Variants in P4HA1 observed in about 807,000 individuals in gnomAD.
The protein encoded by P4HA1 is prolyl 4-hydroxylase subunit alpha 1.
A neutral mutation model predicts 72.8 loss-of-function variants in P4HA1; 24 were observed. The ratio of observed to expected loss-of-function variants is 0.33; its 90% confidence interval spans 0.24 to 0.46. The LOEUF (loss-of-function observed/expected upper bound fraction) is 0.46. P4HA1 is among the 20% of genes least tolerant of loss of function. P4HA1 has a pLI of 1.00. For missense variants in P4HA1, 446 were observed against 640.6 expected, an observed-to-expected ratio of 0.70 and a Z score of 3.28; for synonymous variants, 201 against 218.8, an observed-to-expected ratio of 0.92 and a Z score of 0.72.
chr10:73,087,984 T>C (rs1320333415), intron 1 of P4HA1, among the ~76,000 whole-genome samples: 4 of 152,230 alleles, frequency 2.6e-5, no homozygotes, highest in South Asian at 2.1e-4. Flanking sequence ...AATCTCTGCC[T>C]GACCCATGGT....
chr10:73,027,037 T>C (rs948707488), intron 10 of P4HA1, among the ~76,000 whole-genome samples: 11 of 152,206 alleles, frequency 7.2e-5, no homozygotes, highest in African/African-American at 2.7e-4. Flanking sequence ...GAAGACAGTG[T>C]GGTGATTTCT....
intron 12 of P4HA1, among the ~76,000 whole-genome samples, chr10:73,012,694 A>C (rs1412403023): frequency 6.6e-6 from 1 of 152,212 alleles, no homozygotes; most frequent in Non-Finnish European, 1.5e-5. Flanking sequence ...AGGGAGTGAG[A>C]TACTACAGAC....
At chr10:73,028,031 T>C (rs1840332415) in intron 10 of P4HA1, among the ~76,000 whole-genome samples, 1 of 152,136 alleles carries the variant, frequency 6.6e-6, no homozygotes, top group Admixed American at 6.6e-5. Context: ...GGATGAATAC[T>C]GAACAACAGT....
At chr10:73,065,750 G>A (rs76021204) in intron 5 of P4HA1, among the ~76,000 whole-genome samples, 2 of 152,088 alleles carry the variant, frequency 1.3e-5, no homozygotes, top group African/African-American at 4.8e-5. Context: ...AGCCTTGCAC[G>A]TGAGTACATG....
At chr10:73,062,873 T>TCCAGTATCAAACAGAGTC (rs1466279014) in intron 5 of P4HA1, among the ~76,000 whole-genome samples, 4 of 152,186 alleles carry the variant, frequency 2.6e-5, no homozygotes, top group Non-Finnish European at 4.4e-5. Context: ...GCTGTTGAAT[T>TCCAGTATCAAACAGAGTC]CCAGTATCAA....
intron 5 of P4HA1, among the ~76,000 whole-genome samples, chr10:73,067,088 G>T (rs1841440845): frequency 6.6e-6 from 1 of 151,956 alleles, no homozygotes; most frequent in Non-Finnish European, 1.5e-5. Context: ...GGCTGGTCTT[G>T]AACTCCTACC....
At chr10:73,038,155 T>G (rs1766529067) in intron 9 of P4HA1, among the ~76,000 whole-genome samples, 1 of 152,120 alleles carries the variant, frequency 6.6e-6, no homozygotes, top group Non-Finnish European at 1.5e-5. Flanking sequence ...CTCAGGAGGC[T>G]GAGGTGGGAG....
chr10:73,062,179 T>C (rs1184589874), intron 5 of P4HA1, among the ~76,000 whole-genome samples: 1 of 152,180 alleles, frequency 6.6e-6, no homozygotes, highest in Non-Finnish European at 1.5e-5. Flanking sequence ...TGACAAAATG[T>C]TTAAAACGTC....
chr10:73,032,285 C>T (rs1163686154), intron 9 of P4HA1, among the ~76,000 whole-genome samples: 1 of 152,190 alleles, frequency 6.6e-6, no homozygotes, highest in Non-Finnish European at 1.5e-5. Flanking sequence ...TGTCAGATTC[C>T]TAATCTCTGA....
intron 9 of P4HA1, among the ~76,000 whole-genome samples, chr10:73,041,754 G>C (rs977858312): frequency 4.6e-5 from 7 of 151,932 alleles, no homozygotes; most frequent in Admixed American, 4.6e-4. Context: ...TCATACTTCT[G>C]TATGACTATC....
At chr10:73,055,895 TTAAC>T (rs1291317976) in intron 5 of P4HA1, among the ~76,000 whole-genome samples, 10 of 152,214 alleles carry the variant, frequency 6.6e-5, no homozygotes, top group African/African-American at 1.7e-4. Context: ...AAAATAGAGG[TTAAC>T]TAATATGTCC....
intron 1 of P4HA1, among the ~76,000 whole-genome samples, chr10:73,089,876 G>A (rs1440145538): frequency 6.6e-6 from 1 of 152,162 alleles, no homozygotes; most frequent in Admixed American, 6.5e-5. Flanking sequence ...TACTGCCGAT[G>A]CCCCGGCTAG....
rs994799016 is a variant in P4HA1, at chr10:73,093,538, G to A, written c.-33+3228C>T. On this transcript the variant is annotated intron_variant, in intron 1 of 14. Transcript: ENST00000394890. ...TCAATTTATACAAATAAATTTTCTT[G>A]AATAGAAACACAAAGCTTTGGCCGG... 1.5e-4 allele frequency among the ~76,000 whole-genome samples: 23 copies of A among 151,736 alleles called. 1 individual carries two copies. Among genetic ancestry groups the A allele is most frequent in the Admixed American group, 1.2e-3 (19 of 15,212 alleles).
intron 10 of P4HA1, 73 bp from the exon 11 acceptor site, chr10:73,016,972 A>C: frequency 2.5e-5 from 29 of 1,166,934 alleles, no homozygotes; most frequent in Non-Finnish European, 3.4e-5. Context: ...TATGAACCTC[A>C]TTTTTTGGAC....
chr10:73,015,680 C>T (rs1449770047), intron 11 of P4HA1, among the ~76,000 whole-genome samples: 1 of 152,208 alleles, frequency 6.6e-6, no homozygotes, highest in African/African-American at 2.4e-5. Flanking sequence ...GCAGATCCTC[C>T]TCTTACAGAG....
chr10:73,009,943 G>T, intron 13 of P4HA1, 40 bp from the exon 14 acceptor site: 1 of 1,081,450 alleles, frequency 9.2e-7, no homozygotes, highest in Non-Finnish European at 1.4e-6. Context: ...AGTATACAAT[G>T]CCAGGTAATT....
chr10:73,046,684 AT>A (rs1165616947), intron 8 of P4HA1, among the ~76,000 whole-genome samples: 2 of 152,022 alleles, frequency 1.3e-5, no homozygotes, highest in African/African-American at 2.4e-5. Context: ...GTGAATAAAA[AT>A]CTCACAATAA....
intron 9 of P4HA1, among the ~76,000 whole-genome samples, chr10:73,032,822 A>C (rs1472218782): frequency 1.3e-5 from 2 of 152,206 alleles, no homozygotes; most frequent in Non-Finnish European, 2.9e-5. Flanking sequence ...TTCTTTAACA[A>C]GAGAAAGACA....
chr10:73,091,002 C>T (rs1253214694), intron 1 of P4HA1, among the ~76,000 whole-genome samples: 1 of 140,966 alleles, frequency 7.1e-6, no homozygotes, highest in Non-Finnish European at 1.5e-5. Context: ...CAGAGGTTGC[C>T]GTGAACCGAG....
Sources: gnomAD v4.1 joint callset for allele counts (sites outside exome capture counted in the v4.1 genomes callset) on GRCh38, gnomAD v4.1.1 for gene constraint, MANE v1.5 for transcripts, NCBI Gene and HGNC (gene_info 2026-07-23, HGNC 2026-07-21) for gene names.